ACAN: variants seen among roughly 807,000 people sequenced by gnomAD.
ACAN encodes the protein aggrecan core protein.
In ACAN, 47 loss-of-function variants were observed where a neutral mutation model predicts 169.1. The observed-to-expected ratio is 0.28, with a 90% CI of 0.22 to 0.35. ACAN has a LOEUF of 0.35. Among genes scored for constraint, ACAN ranks in the 10% least tolerant of loss-of-function variants. The pLI, the probability that ACAN is intolerant of heterozygous loss-of-function variation, is 1.00. For synonymous variants in ACAN, 1,115 were observed against 1,112.2 expected (o/e 1.00, Z -0.05); for missense variants, 2,716 against 2,759.9 (o/e 0.98, Z 0.36).
chr15:88,832,687 G>C (rs982686792), intron 1 of ACAN, among the ~76,000 whole-genome samples: 2 of 152,204 alleles, frequency 1.3e-5, no homozygotes, highest in Admixed American at 1.3e-4. Context: ...ATATTTGGTA[G>C]TATGATAATG....
At chr15:88,831,250 C>A (rs1896355198) in intron 1 of ACAN, among the ~76,000 whole-genome samples, 1 of 152,228 alleles carries the variant, frequency 6.6e-6, no homozygotes, top group Admixed American at 6.5e-5. Context: ...CCTGATTGTT[C>A]CTCCTCTGGG....
intron 12 of ACAN, among the ~76,000 whole-genome samples, chr15:88,860,122 T>C (rs1030068398): frequency 1.3e-5 from 2 of 148,810 alleles, no homozygotes; most frequent in African/African-American, 2.5e-5. Flanking sequence ...CCTTCCTTTG[T>C]GCTGAGAGAG....
chr15:88,820,325 C>T (rs905851285), intron 1 of ACAN, among the ~76,000 whole-genome samples: 4 of 152,130 alleles, frequency 2.6e-5, no homozygotes, highest in African/African-American at 9.7e-5. Context: ...ATAATAGGAA[C>T]ATGATGGGGG....
At chr15:88,845,413 G>A in intron 6 of ACAN, 92 bp from the exon 7 acceptor site, 9 of 1,497,466 alleles carry the variant, frequency 6.0e-6, no homozygotes, top group Non-Finnish European at 8.0e-6. Context: ...CAGGGAAGGA[G>A]GGGGAGCCAT....
Position 88,857,303 on chromosome 15 carries a change from G to A in ACAN, c.4718G>A (p.Arg1573Lys). The part of the protein sequence containing the change: ...GTDLSGLPSG[R>K]EGLETSASGA... ...GACCTCAGTGGGCTTCCTTCTGGAAGGGAGGGTCTAGAGACTTCAGCTTCT... is the reference window on the plus strand; with the variant it reads ...GACCTCAGTGGGCTTCCTTCTGGAAAGGAGGGTCTAGAGACTTCAGCTTCT... Residue 1573 changes from arginine (R) to lysine (K), a missense_variant, in exon 12 of 19, where the codon AGG becomes AAG. Physicochemically the swap from Arg to Lys is conservative, Grantham distance 26 (BLOSUM62 2). This residue lies in a region of ACAN where 1,389 missense variants were observed against 1,363.7 expected (regional missense o/e 1.02). Transcript: ENST00000560601. The A allele has an allele frequency of 6.2e-7, 1 of 1,613,968 alleles. No individual in the cohort carries two copies. The highest frequency in any genetic ancestry group is 8.5e-7 in the Non-Finnish European group (1 of 1,179,894).
At chr15:88,815,803 G>A (rs545075787) in intron 1 of ACAN, among the ~76,000 whole-genome samples, 1 of 152,100 alleles carries the variant, frequency 6.6e-6, no homozygotes, top group African/African-American at 2.4e-5. Flanking sequence ...ATTAGTAGTA[G>A]TGTTATAATA....
chr15:88,872,818 T>C lies in ACAN; in HGVS notation c.7303-63T>C, dbSNP rs1374641380. The C allele has an allele frequency of 4.5e-6, 7 of 1,561,622 alleles. No individual in the cohort carries two copies. The highest frequency in any genetic ancestry group is 6.1e-6 in the Non-Finnish European group (7 of 1,143,872). ...TGAAGAGGCTCCACGGGGAAGACAG[T>C]CGGAGCAGGCCAACCCGCACTGTCC... is the stretch of plus-strand genomic sequence containing the variant. On this transcript the variant is annotated intron_variant, in intron 16 of 18. Coordinates refer to ENST00000560601, the MANE Select transcript of ACAN (RefSeq NM_001369268.1). This position sits in a 1 kb window ranked among gnomAD's most constrained non-coding sequence, Gnocchi z 5.4.
intron 1 of ACAN, among the ~76,000 whole-genome samples, chr15:88,810,611 T>C (rs1895797456): frequency 6.6e-6 from 1 of 152,108 alleles, no homozygotes; most frequent in South Asian, 2.1e-4. Flanking sequence ...GCCTGGATTC[T>C]AGGATGACTC....
In ACAN at chr15:88,851,376, TG is replaced by T; in HGVS notation, c.2027-417del. On this transcript the variant is annotated intron_variant, in intron 10 of 18. Transcript: ENST00000560601. This position sits in a 1 kb window ranked among gnomAD's most constrained non-coding sequence, Gnocchi z 4.3. ...TGAGAGCGTGGAGTCTGGTACCAGATGCTTAAATTCAAAGACTAGATCTGAC... is the reference window on the plus strand; with the variant it reads ...TGAGAGCGTGGAGTCTGGTACCAGATCTTAAATTCAAAGACTAGATCTGAC... 6.1e-6 allele frequency: 1 copy of T among 163,164 alleles called. No homozygotes were observed. The highest frequency in any genetic ancestry group is 1.3e-5 in the Non-Finnish European group (1 of 75,010). 10.1% of individuals were successfully genotyped at this position (163,164 alleles called of 1,614,324 possible).
Position 88,807,926 on chromosome 15 carries a change from G to A in ACAN, c.-8+4117G>A, listed in dbSNP as rs1895727010. 6.6e-6 allele frequency among the ~76,000 whole-genome samples: 1 copy of A among 152,084 alleles called. No homozygotes were observed. Among genetic ancestry groups the A allele is most frequent in the African/African-American group, 2.4e-5 (1 of 41,414 alleles). On this transcript the variant is annotated intron_variant, in intron 1 of 18. Transcript: ENST00000560601. The surrounding 1 kb of genome is among the most constrained non-coding windows in gnomAD (Gnocchi z 4.0). Reference sequence around the variant, plus strand: ...GTGGATTTGGGGTGTGTGATGCTGGGCATCACGATTTGGATATTTGGTTAC... The same window carrying A: ...GTGGATTTGGGGTGTGTGATGCTGGACATCACGATTTGGATATTTGGTTAC...
chr15:88,829,763 T>C (rs1896313602), intron 1 of ACAN, among the ~76,000 whole-genome samples: 1 of 152,184 alleles, frequency 6.6e-6, no homozygotes, highest in Non-Finnish European at 1.5e-5. Context: ...GGTCTACCAG[T>C]CTACCAAACC....
At chr15:88,806,313 C>A (rs1239922658) in intron 1 of ACAN, among the ~76,000 whole-genome samples, 7 of 151,740 alleles carry the variant, frequency 4.6e-5, no homozygotes, top group Non-Finnish European at 1.0e-4. Flanking sequence ...CAAATGTTTT[C>A]TCTTGATAAG....
At chr15:88,811,997 A>G (rs1046239732) in intron 1 of ACAN, among the ~76,000 whole-genome samples, 2 of 152,164 alleles carry the variant, frequency 1.3e-5, no homozygotes, top group African/African-American at 4.8e-5. Flanking sequence ...TGACTTGTCA[A>G]TATTTTGACA....
In ACAN at chr15:88,838,269, C is replaced by G. The variant is rs2141562005; in HGVS notation, c.71-394C>G. 6.6e-6 allele frequency among the ~76,000 whole-genome samples: 1 copy of G among 151,776 alleles called. No homozygotes were observed. Among genetic ancestry groups the G allele is most frequent in the East Asian group, 1.9e-4 (1 of 5,164 alleles). On this transcript the variant is annotated intron_variant, in intron 2 of 18. Transcript: ENST00000560601. The surrounding 1 kb of genome is among the most constrained non-coding windows in gnomAD (Gnocchi z 5.1). ...ACTTTTCTACCCCAACATAATTTTT[C>G]CCAAAATCTTTGAGTTAAGCTGTCA...
At chr15:88,852,637 C>A (rs1342997033) in intron 11 of ACAN, among the ~76,000 whole-genome samples, 1 of 152,178 alleles carries the variant, frequency 6.6e-6, no homozygotes, top group Non-Finnish European at 1.5e-5. Flanking sequence ...TGCTGGCTTA[C>A]AGAGATTAAC....
intron 1 of ACAN, among the ~76,000 whole-genome samples, chr15:88,813,992 A>T (rs866735083): frequency 6.6e-6 from 1 of 152,192 alleles, no homozygotes; most frequent in Non-Finnish European, 1.5e-5. Flanking sequence ...CTACATATTT[A>T]TTCCTAGTTC....
intron 13 of ACAN, among the ~76,000 whole-genome samples, chr15:88,863,104 G>A (rs1897229767): frequency 6.6e-6 from 1 of 151,962 alleles, no homozygotes; most frequent in Admixed American, 6.6e-5. Flanking sequence ...AATCCTCAGG[G>A]AAAACTTCCA....
chr15:88,817,333 A>G (rs1174160918), intron 1 of ACAN, among the ~76,000 whole-genome samples: 1 of 151,992 alleles, frequency 6.6e-6, no homozygotes, highest in Non-Finnish European at 1.5e-5. Flanking sequence ...TAGTAGAGGT[A>G]GGGTTTCACT....
chr15:88,836,339 G>A, intron 2 of ACAN, 63 bp downstream of exon 2: 1 of 1,402,358 alleles, frequency 7.1e-7, no homozygotes, highest in Non-Finnish European at 1.0e-6. Context: ...TTTGAGTACT[G>A]GGTACTGAAC....
Sources: gnomAD v4.1 joint callset for allele counts (sites outside exome capture counted in the v4.1 genomes callset) on GRCh38, gnomAD v4.1.1 for gene constraint, gnomAD v4.1.1 regional missense constraint, Gnocchi (gnomAD v3.1) non-coding constraint, MANE v1.5 for transcripts, NCBI Gene and HGNC (gene_info 2026-07-23, HGNC 2026-07-21) for gene names.